TAF2: variants seen among roughly 807,000 people sequenced by gnomAD.
The protein encoded by TAF2 is TATA-box binding protein associated factor 2, also known as transcription initiation factor TFIID subunit 2.
In TAF2, 61 loss-of-function variants were observed where a neutral mutation model predicts 138.5. That is an observed-to-expected ratio of 0.44 (90% CI 0.36 to 0.54). The LOEUF (loss-of-function observed/expected upper bound fraction) is 0.54, where lower values mean the gene tolerates loss of function less well. Ranked by LOEUF, TAF2 falls within the 20% of genes least tolerant of loss-of-function variation. The probability of loss-of-function intolerance (pLI) is 0.00; values close to 1 mark genes in which losing one functional copy is unlikely to be tolerated. For missense variants in TAF2, 1,090 were observed against 1,427.9 expected, an observed-to-expected ratio of 0.76 and a Z score of 3.81; for synonymous variants, 475 against 469.9, an observed-to-expected ratio of 1.01 and a Z score of -0.14.
At position 119,832,766 on chromosome 8, in the gene TAF2, A is replaced by G. The variant is rs1355965220; in HGVS notation, c.-202T>C. Reference sequence around the variant, plus strand: ...CTAGCTCCTAGAAGCCGCCGTCGACAAGCTTCTGTCACAGAGATGCTCCTC... The same window carrying G: ...CTAGCTCCTAGAAGCCGCCGTCGACGAGCTTCTGTCACAGAGATGCTCCTC... On this transcript the variant is annotated 5_prime_UTR_variant, in exon 1 of 26. Coordinates refer to ENST00000378164, the MANE Select transcript of TAF2 (RefSeq NM_003184.4). 2.0e-6 allele frequency: 1 copy of G among 510,792 alleles called. No individual in the cohort carries two copies. The highest frequency in any genetic ancestry group is 3.5e-6 in the Non-Finnish European group (1 of 287,508). 31.6% of individuals were successfully genotyped at this position (510,792 alleles called of 1,614,324 possible).
In TAF2 at chr8:119,757,079, A is replaced by T. The variant is rs116160351; in HGVS notation, c.2769-964T>A. Among the ~76,000 whole-genome samples, 127 of 152,302 alleles carry T rather than the reference A, an allele frequency of 8.3e-4. 2 individuals are homozygous for T. Among genetic ancestry groups the T allele is most frequent in the African/African-American group, 2.8e-3 (115 of 41,576 alleles). Reference sequence around the variant, plus strand: ...TTTACATTTAACTGACAGTAGTAAGACATTAAATTGGATTTGTAATTGAGA... The same window carrying T: ...TTTACATTTAACTGACAGTAGTAAGTCATTAAATTGGATTTGTAATTGAGA... On this transcript the variant is annotated intron_variant, in intron 21 of 25. Transcript: ENST00000378164.
intron 3 of TAF2, among the ~76,000 whole-genome samples, chr8:119,813,199 T>C (rs1825218436): frequency 6.6e-6 from 1 of 152,226 alleles, no homozygotes. Flanking sequence ...TGATCATTAG[T>C]GATGTTGAGA....
At chr8:119,799,831 A>C (rs1241424003) in intron 6 of TAF2, among the ~76,000 whole-genome samples, 1 of 152,168 alleles carries the variant, frequency 6.6e-6, no homozygotes, top group East Asian at 1.9e-4. Flanking sequence ...CTGACTTTTT[A>C]CTGATCGCCA....
chr8:119,745,242 G>C (rs1819877294), intron 23 of TAF2, among the ~76,000 whole-genome samples: 1 of 152,082 alleles, frequency 6.6e-6, no homozygotes, highest in Admixed American at 6.6e-5. Flanking sequence ...AACTTTTAGA[G>C]GTTTCCCAAA....
At chr8:119,773,120 T>G (rs931548954) in intron 18 of TAF2, among the ~76,000 whole-genome samples, 1 of 150,710 alleles carries the variant, frequency 6.6e-6, no homozygotes, top group African/African-American at 2.4e-5. Context: ...ATGGTTACCT[T>G]TCTTTAAAAT....
At chr8:119,815,242 A>G (rs934579037) in intron 3 of TAF2, among the ~76,000 whole-genome samples, 1 of 149,886 alleles carries the variant, frequency 6.7e-6, no homozygotes, top group African/African-American at 2.4e-5. Flanking sequence ...AGATTGCACC[A>G]TTGCACTCCA....
At chr8:119,830,090 G>A (rs1047615318) in intron 2 of TAF2, among the ~76,000 whole-genome samples, 1 of 151,842 alleles carries the variant, frequency 6.6e-6, no homozygotes, top group African/African-American at 2.4e-5. Context: ...AGTAGAGACA[G>A]GGTTTCACCG....
intron 3 of TAF2, among the ~76,000 whole-genome samples, chr8:119,817,578 A>C (rs1280667203): frequency 1.3e-5 from 2 of 152,214 alleles, no homozygotes; most frequent in African/African-American, 4.8e-5. Flanking sequence ...AATATTATCA[A>C]AATAAAAAGA....
intron 22 of TAF2, among the ~76,000 whole-genome samples, chr8:119,747,187 G>A (rs1019660586): frequency 5.9e-5 from 9 of 151,498 alleles, no homozygotes; most frequent in African/African-American, 1.5e-4. Context: ...TCTGTTCATC[G>A]TGTCTGATTC....
chr8:119,763,322 A>G (rs969887661), intron 18 of TAF2, among the ~76,000 whole-genome samples: 13 of 152,262 alleles, frequency 8.5e-5, no homozygotes, highest in African/African-American at 3.1e-4. Flanking sequence ...AATGATTGAA[A>G]TTTTAATTTC....
chr8:119,731,587 A>T lies in TAF2; in HGVS notation c.*337T>A, dbSNP rs1818880541. The T allele has an allele frequency of 3.2e-6, 1 of 309,596 alleles. No homozygotes were observed. Among genetic ancestry groups the T allele is most frequent in the Non-Finnish European group, 6.2e-6 (1 of 162,162 alleles). The allele number at this position is 309,596 out of a possible 1,614,324, so 19.2% of individuals were successfully genotyped here. On this transcript the variant is annotated 3_prime_UTR_variant, in exon 26 of 26. Transcript: ENST00000378164. ...TAACATCCACCAAAGGCTTTCAAAC[A>T]TAATTGACTTTGGCGGTACACATGG...
At chr8:119,824,599 C>T (rs572260657) in intron 2 of TAF2, among the ~76,000 whole-genome samples, 31 of 152,288 alleles carry the variant, frequency 2.0e-4, no homozygotes, top group African/African-American at 7.2e-4. Flanking sequence ...CCATCACAGG[C>T]CCGGAGGCCT....
intron 16 of TAF2, 73 bp downstream of exon 16, chr8:119,783,308 A>C: frequency 1.3e-6 from 2 of 1,550,652 alleles, no homozygotes; most frequent in Non-Finnish European, 1.7e-6. Context: ...AGACTAGGTG[A>C]ATTTTAATTC....
chr8:119,772,036 C>T (rs1372450213), intron 18 of TAF2, among the ~76,000 whole-genome samples: 2 of 152,124 alleles, frequency 1.3e-5, no homozygotes, highest in Non-Finnish European at 2.9e-5. Context: ...TCAAGAGGAA[C>T]TCTCAAAACT....
chr8:119,816,965 G>C (rs1285985034), intron 3 of TAF2, among the ~76,000 whole-genome samples: 1 of 152,152 alleles, frequency 6.6e-6, no homozygotes, highest in African/African-American at 2.4e-5. Flanking sequence ...GAATAATTCA[G>C]AGGATAAACA....
intron 22 of TAF2, among the ~76,000 whole-genome samples, chr8:119,750,280 G>A (rs1820259547): frequency 2.0e-5 from 3 of 152,196 alleles, no homozygotes; most frequent in African/African-American, 7.2e-5. Flanking sequence ...AGCGGAGCTT[G>A]CAGTGAGCCA....
intron 3 of TAF2, among the ~76,000 whole-genome samples, chr8:119,811,322 A>C (rs1405892695): frequency 6.6e-6 from 1 of 152,190 alleles, no homozygotes; most frequent in Non-Finnish European, 1.5e-5. Flanking sequence ...ATAAAACTTC[A>C]GTTTCAATTA....
chr8:119,743,369 T>TA lies in TAF2; in HGVS notation c.3215-714dup, dbSNP rs573626984. On this transcript the variant is annotated intron_variant, in intron 24 of 25. Coordinates refer to ENST00000378164, the MANE Select transcript of TAF2 (RefSeq NM_003184.4). ...ATAAAGAAAAGCAACAGAATGAAAT[T>TA]AAAAAAAAAAAAGAAAATGCAATAT... 8.3e-3 allele frequency among the ~76,000 whole-genome samples: 1,160 copies of TA among 139,134 alleles called. 14 individuals carry two copies. Among genetic ancestry groups the TA allele is most frequent in the African/African-American group, 0.027 (1,040 of 38,012 alleles). The allele number at this position is 139,134 out of a possible 152,430, so 91.3% of individuals were successfully genotyped here.
chr8:119,753,785 C>T lies in TAF2; in HGVS notation c.2878+2221G>A, dbSNP rs188111492. Among the ~76,000 whole-genome samples, 237 of 152,202 alleles carry T rather than the reference C, an allele frequency of 1.6e-3. 1 individual carries two copies. Among genetic ancestry groups the T allele is most frequent in the Non-Finnish European group, 2.3e-3 (158 of 67,988 alleles). ...TTCTTTAGAAAATAATAAAATAATTCTTCATATTTCACTATGCTTTCTTCA... is the reference window on the plus strand; with the variant it reads ...TTCTTTAGAAAATAATAAAATAATTTTTCATATTTCACTATGCTTTCTTCA... On this transcript the variant is annotated intron_variant, in intron 22 of 25. Transcript: ENST00000378164.
Sources: allele counts gnomAD v4.1 joint callset (sites outside exome capture counted in the v4.1 genomes callset), GRCh38; gene constraint gnomAD v4.1.1; transcripts MANE v1.5; gene names NCBI Gene and HGNC (gene_info 2026-07-23, HGNC 2026-07-21).